Variants in SGCD observed in about 807,000 individuals in gnomAD.
The protein encoded by SGCD is delta-sarcoglycan.
In SGCD, 18 loss-of-function variants were observed where a neutral mutation model predicts 36.6. The observed-to-expected ratio is 0.49, with a 90% confidence interval of 0.34 to 0.73. The LOEUF (loss-of-function observed/expected upper bound fraction) is 0.73, where lower values mean the gene tolerates loss of function less well. Among genes scored for constraint, SGCD ranks in the 30% least tolerant of loss-of-function variants. SGCD has a pLI of 0.01. For missense variants in SGCD, 387 were observed against 346.7 expected (o/e 1.12, Z -0.92); for synonymous variants, 133 against 130.6 (o/e 1.02, Z -0.12).
the SGCD span, among the ~76,000 whole-genome samples, chr5:155,733,128 G>T: frequency 4.6e-5 from 7 of 150,566 alleles, no homozygotes; most frequent in South Asian, 2.1e-4. Flanking sequence ...ACAAAATGAT[G>T]CCATGAGCCA....
rs558372711 is a variant in SGCD at position 156,522,607 on chromosome 5, A to G, written c.294+13905A>G. On this transcript the variant is annotated intron_variant, in intron 4 of 8. Coordinates refer to ENST00000337851, the MANE Select transcript of SGCD (RefSeq NM_000337.6). ...ATGGGGAGTCAGAGGGAAGGAGAGC[A>G]TCAGGAAAAACAGTTAATGCATGCT... is the stretch of plus-strand genomic sequence containing the variant. 3.9e-5 allele frequency among the ~76,000 whole-genome samples: 6 copies of G among 152,214 alleles called. No individual in the cohort carries two copies. The South Asian group carries it at 1.2e-3, about 32-fold the overall frequency.
rs183651294 is a variant in SGCD, at chr5:156,668,128, C to T, written c.575+20592C>T. Among the ~76,000 whole-genome samples the T allele has an allele frequency of 3.9e-5, 6 of 152,288 alleles. No homozygotes were observed. The East Asian group carries it at 9.6e-4, about 24-fold the overall frequency. ...AGTGACTTCATCACAACTGTCCTCA[C>T]TGCATGTTGTGTAGTACCTGCCCAG... On this transcript the variant is annotated intron_variant, in intron 7 of 8. Transcript: ENST00000337851.
intron 3 of SGCD, among the ~76,000 whole-genome samples, chr5:156,348,799 T>C (rs758086288): frequency 8.5e-5 from 13 of 152,086 alleles, no homozygotes; most frequent in Admixed American, 1.3e-4. Flanking sequence ...GCCAAAGTAA[T>C]TCTAAGCAAA....
At chr5:156,609,255 C>T (rs1156676515) in intron 6 of SGCD, among the ~76,000 whole-genome samples, 19 of 152,072 alleles carry the variant, frequency 1.2e-4, no homozygotes, top group Non-Finnish European at 2.6e-4. Context: ...GACAAAATCT[C>T]TCAGCATTTG....
chr5:156,465,441 A>G (rs1754680795), intron 3 of SGCD, among the ~76,000 whole-genome samples: 1 of 152,210 alleles, frequency 6.6e-6, no homozygotes, highest in South Asian at 2.1e-4. Context: ...TTCTACAGTT[A>G]CTTCTGGTAA....
chr5:155,807,484 T>C, the SGCD span, among the ~76,000 whole-genome samples: 1 of 152,252 alleles, frequency 6.6e-6, no homozygotes, highest in Non-Finnish European at 1.5e-5. Context: ...GGCCAGCCAG[T>C]AAATTGTGTG....
At chr5:155,862,369 C>G in the SGCD span, among the ~76,000 whole-genome samples, 1 of 152,110 alleles carries the variant, frequency 6.6e-6, no homozygotes, top group Non-Finnish European at 1.5e-5. Flanking sequence ...CAAAGGGTTA[C>G]CTAGGCTAGA....
intron 1 of SGCD, among the ~76,000 whole-genome samples, chr5:155,999,606 C>T (rs1270872135): frequency 2.0e-5 from 3 of 152,142 alleles, no homozygotes; most frequent in Admixed American, 6.5e-5. Flanking sequence ...CCATGGCTCC[C>T]CTGAAAAACC....
intron 3 of SGCD, among the ~76,000 whole-genome samples, chr5:156,138,664 C>T (rs549532435): frequency 2.6e-5 from 4 of 152,300 alleles, no homozygotes; most frequent in Admixed American, 1.3e-4. Flanking sequence ...CATTTGTGAG[C>T]ATGTCTTTGT....
chr5:155,811,113 G>A, the SGCD span, among the ~76,000 whole-genome samples: 19 of 151,984 alleles, frequency 1.3e-4, no homozygotes, highest in African/African-American at 4.1e-4. Context: ...CACCGCGCCC[G>A]GCCTAGTGTC....
intron 7 of SGCD, among the ~76,000 whole-genome samples, chr5:156,714,859 A>G (rs1416688355): frequency 6.6e-6 from 1 of 152,226 alleles, no homozygotes; most frequent in Non-Finnish European, 1.5e-5. Context: ...CCTTTCAGAG[A>G]ATCATTCTGT....
chr5:156,011,706 G>A (rs1758864829), intron 1 of SGCD, among the ~76,000 whole-genome samples: 1 of 152,140 alleles, frequency 6.6e-6, no homozygotes, highest in Non-Finnish European at 1.5e-5. Flanking sequence ...TGAATGTGCT[G>A]GGATTACAGG....
the SGCD span, among the ~76,000 whole-genome samples, chr5:155,764,237 G>A: frequency 6.6e-6 from 1 of 152,118 alleles, no homozygotes; most frequent in East Asian, 1.9e-4. Flanking sequence ...ATTAGATAAT[G>A]GTTAATAGGG....
At chr5:155,753,375 G>T in the SGCD span, among the ~76,000 whole-genome samples, 1 of 151,606 alleles carries the variant, frequency 6.6e-6, no homozygotes, top group South Asian at 2.1e-4. Context: ...ATCTCAACTA[G>T]CTCTGTTTGT....
At chr5:156,019,449 G>T (rs1759053059) in intron 1 of SGCD, among the ~76,000 whole-genome samples, 1 of 152,076 alleles carries the variant, frequency 6.6e-6, no homozygotes, top group Non-Finnish European at 1.5e-5. Flanking sequence ...AACTGTTAAT[G>T]ATCTCCCTTC....
At chr5:156,707,954 C>G (rs1754813342) in intron 7 of SGCD, among the ~76,000 whole-genome samples, 1 of 152,112 alleles carries the variant, frequency 6.6e-6, no homozygotes, top group African/African-American at 2.4e-5. Flanking sequence ...CCACTGGTGT[C>G]ACTCAGGATA....
chr5:156,550,458 A>G (rs1290340983), intron 4 of SGCD, among the ~76,000 whole-genome samples: 1 of 152,254 alleles, frequency 6.6e-6, no homozygotes, highest in African/African-American at 2.4e-5. Flanking sequence ...TTCTCACTGC[A>G]GACATTGCTG....
intron 7 of SGCD, among the ~76,000 whole-genome samples, chr5:156,701,202 G>GT (rs918314063): frequency 8.5e-5 from 13 of 152,210 alleles, no homozygotes; most frequent in African/African-American, 2.9e-4. Context: ...TAGAACTTCT[G>GT]TTTTTTCTAC....
chr5:156,732,518 T>G (rs1203737096), intron 7 of SGCD, among the ~76,000 whole-genome samples: 1 of 152,216 alleles, frequency 6.6e-6, no homozygotes, highest in Non-Finnish European at 1.5e-5. Flanking sequence ...TATTGAGGAT[T>G]TTTGCATCAA....
Sources: allele counts gnomAD v4.1 joint callset (sites outside exome capture counted in the v4.1 genomes callset), GRCh38; gene constraint gnomAD v4.1.1; transcripts MANE v1.5; gene names NCBI Gene and HGNC (gene_info 2026-07-23, HGNC 2026-07-21).